The following RAP1GAP2 variants were observed in gnomAD, a reference collection of about 807,000 sequenced individuals.
RAP1GAP2 encodes RAP1 GTPase activating protein 2.
A neutral mutation model predicts 95.0 loss-of-function variants in RAP1GAP2; 27 were observed. The observed-to-expected ratio is 0.28, with a 90% confidence interval of 0.21 to 0.39. RAP1GAP2 has a LOEUF of 0.39. RAP1GAP2 is among the 10% of genes least tolerant of loss of function. The probability of loss-of-function intolerance (pLI) is 1.00; values close to 1 mark genes in which losing one functional copy is unlikely to be tolerated. For synonymous variants in RAP1GAP2, 373 were observed against 380.9 expected (o/e 0.98, Z 0.24); for missense variants, 771 against 970.0 (o/e 0.79, Z 2.72).
chr17:2,914,803 T>C (rs1388627683), intron 3 of RAP1GAP2, among the ~76,000 whole-genome samples: 1 of 144,906 alleles, frequency 6.9e-6, no homozygotes, highest in Non-Finnish European at 1.5e-5. Flanking sequence ...TCTTTTTTTT[T>C]TTTTTTGAGA....
Position 3,004,588 on chromosome 17 carries a change from G to A in RAP1GAP2, c.1201-781G>A, listed in dbSNP as rs1473376357. ...TGTGGGGCCCGTCCCACGCCTGGGC[G>A]ACCCCCATGCAGCGAACCTCGAGGC... On this transcript the variant is annotated intron_variant, in intron 14 of 24. Transcript: ENST00000254695. The surrounding 1 kb of genome is among the most constrained non-coding windows in gnomAD (Gnocchi z 4.1). Among the ~76,000 whole-genome samples the A allele has an allele frequency of 6.6e-6, 1 of 152,270 alleles. No homozygotes were observed. Among genetic ancestry groups the A allele is most frequent in the Non-Finnish European group, 1.5e-5 (1 of 68,050 alleles).
intron 14 of RAP1GAP2, 50 bp downstream of exon 14, chr17:2,998,426 C>T: frequency 6.3e-7 from 1 of 1,587,916 alleles, no homozygotes; most frequent in Non-Finnish European, 8.6e-7. Flanking sequence ...ACACCTCACC[C>T]TGTGTGGATG....
chr17:2,832,657 C>G (rs7211034), intron 2 of RAP1GAP2, among the ~76,000 whole-genome samples: 1 of 151,412 alleles, frequency 6.6e-6, no homozygotes, highest in East Asian at 1.9e-4. Context: ...TTGGTACATA[C>G]TTTTCTAGAT....
chr17:3,030,884 C>T (rs946152325), intron 22 of RAP1GAP2, 38 bp from the exon 23 acceptor site: 1 of 1,559,952 alleles, frequency 6.4e-7, no homozygotes, highest in Non-Finnish European at 8.7e-7. Context: ...GTGGCCTCCA[C>T]AGCTCCACCC....
At chr17:2,863,979 G>A (rs180779741) in intron 2 of RAP1GAP2, among the ~76,000 whole-genome samples, 105 of 152,178 alleles carry the variant, frequency 6.9e-4, no homozygotes, top group Middle Eastern at 3.4e-3. Flanking sequence ...TTGAACCCGG[G>A]AGGCGGAGGT....
At chr17:3,021,252 A>G (rs2046946614) in intron 19 of RAP1GAP2, among the ~76,000 whole-genome samples, 1 of 152,088 alleles carries the variant, frequency 6.6e-6, no homozygotes, top group Non-Finnish European at 1.5e-5. Flanking sequence ...GTATTGTACT[A>G]TTGAACACTA....
chr17:2,869,904 G>A (rs564373983), intron 2 of RAP1GAP2, among the ~76,000 whole-genome samples: 8 of 152,306 alleles, frequency 5.3e-5, no homozygotes, highest in East Asian at 3.9e-4. Context: ...CAGGTGGAAC[G>A]TGGCTCCGGG....
intron 2 of RAP1GAP2, among the ~76,000 whole-genome samples, chr17:2,810,018 C>A (rs1597351431): frequency 1.9e-4 from 6 of 31,758 alleles, no homozygotes; most frequent in African/African-American, 1.4e-3. Context: ...GTGCTGGGAC[C>A]CTCCCCTCCC....
chr17:2,806,431 C>T (rs966147087), intron 2 of RAP1GAP2, among the ~76,000 whole-genome samples: 3 of 135,050 alleles, frequency 2.2e-5, no homozygotes, highest in Non-Finnish European at 3.1e-5. Flanking sequence ...CTCGCTCTGT[C>T]GCCCAGTCTG....
rs751488933 is a variant in RAP1GAP2, at chr17:2,904,602, G to A, written c.81-682G>A. Among the ~76,000 whole-genome samples, 8 of 147,630 alleles carry A rather than the reference G, an allele frequency of 5.4e-5. No individual in the cohort carries two copies. The highest frequency in any genetic ancestry group is 3.6e-3 in the Middle Eastern group (1 of 280). On this transcript the variant is annotated intron_variant, in intron 2 of 24. Coordinates refer to ENST00000254695, the MANE Select transcript of RAP1GAP2 (RefSeq NM_015085.5). This position sits in a 1 kb window ranked among gnomAD's most constrained non-coding sequence, Gnocchi z 4.7. ...GAGGGGCTCAAGGGAGAATGAATCC[G>A]CGTTTCTCCCCTCCTCTTCTCACAC... is the stretch of plus-strand genomic sequence containing the variant.
At chr17:2,765,336 C>G (rs768996452) in intron 1 of RAP1GAP2, among the ~76,000 whole-genome samples, 2 of 152,122 alleles carry the variant, frequency 1.3e-5, no homozygotes, top group Admixed American at 6.6e-5. Context: ...CCCATCTTAC[C>G]TGAGCCGGGA....
chr17:2,819,997 T>C (rs2070211593), intron 2 of RAP1GAP2, among the ~76,000 whole-genome samples: 2 of 152,006 alleles, frequency 1.3e-5, no homozygotes, highest in South Asian at 4.2e-4. Flanking sequence ...CATCTTGCTG[T>C]CTCAAACTTC....
chr17:2,827,004 C>T lies in RAP1GAP2; in HGVS notation c.80+26454C>T, dbSNP rs560439162. On this transcript the variant is annotated intron_variant, in intron 2 of 24. Coordinates refer to ENST00000254695, the MANE Select transcript of RAP1GAP2 (RefSeq NM_015085.5). This position sits in a 1 kb window ranked among gnomAD's most constrained non-coding sequence, Gnocchi z 4.1. ...CTGGTGTCACAGCGAGACTCCGTTT[C>T]GAGAGAGAGAGAGGAGAGAAAGAAA... is the stretch of plus-strand genomic sequence containing the variant. 2.3e-4 allele frequency among the ~76,000 whole-genome samples: 34 copies of T among 150,656 alleles called. No homozygotes were observed. Among genetic ancestry groups the T allele is most frequent in the Middle Eastern group, 3.4e-3 (1 of 294 alleles).
intron 3 of RAP1GAP2, among the ~76,000 whole-genome samples, chr17:2,944,097 C>T (rs1333608288): frequency 1.4e-5 from 2 of 147,610 alleles, no homozygotes; most frequent in African/African-American, 2.5e-5. Context: ...TGCTATGAGC[C>T]GAGATTGCGC....
rs376552791 is a variant in RAP1GAP2 at position 2,902,608 on chromosome 17, T to C, written c.81-2676T>C. On this transcript the variant is annotated intron_variant, in intron 2 of 24. Transcript: ENST00000254695. The surrounding 1 kb of genome is among the most constrained non-coding windows in gnomAD (Gnocchi z 4.1). ...CCTGGACACAGCGCTGGAGCTTGCATGAGGCTGGTCACCACTGGTGCTCAT... is the reference window on the plus strand; with the variant it reads ...CCTGGACACAGCGCTGGAGCTTGCACGAGGCTGGTCACCACTGGTGCTCAT... 7.2e-5 allele frequency among the ~76,000 whole-genome samples: 11 copies of C among 152,316 alleles called. No homozygotes were observed. Among genetic ancestry groups the C allele is most frequent in the East Asian group, 1.9e-4 (1 of 5,180 alleles).
intron 8 of RAP1GAP2, among the ~76,000 whole-genome samples, chr17:2,979,826 A>T (rs1188809675): frequency 2.6e-5 from 4 of 152,070 alleles, no homozygotes; most frequent in African/African-American, 9.7e-5. Flanking sequence ...TTTTCCCACA[A>T]GGCAAGTGTG....
intron 2 of RAP1GAP2, among the ~76,000 whole-genome samples, chr17:2,850,289 T>C (rs1053843440): frequency 1.2e-4 from 18 of 151,184 alleles, no homozygotes; most frequent in African/African-American, 3.2e-4. Context: ...CGTGAGCCAC[T>C]GCGCCTGGCC....
chr17:2,801,989 C>T (rs1334986163), intron 2 of RAP1GAP2, among the ~76,000 whole-genome samples: 1 of 152,180 alleles, frequency 6.6e-6, no homozygotes, highest in Non-Finnish European at 1.5e-5. Context: ...ACTGGCTAAC[C>T]ATCTGCTCCA....
At chr17:2,863,467 G>A (rs1004544679) in intron 2 of RAP1GAP2, among the ~76,000 whole-genome samples, 1 of 152,220 alleles carries the variant, frequency 6.6e-6, no homozygotes, top group Non-Finnish European at 1.5e-5. Context: ...TGTGTCCTGA[G>A]ACAGCTGACC....
Sources: allele counts gnomAD v4.1 joint callset (sites outside exome capture counted in the v4.1 genomes callset), GRCh38; gene constraint gnomAD v4.1.1; non-coding constraint Gnocchi (gnomAD v3.1); transcripts MANE v1.5; gene names NCBI Gene and HGNC (gene_info 2026-07-23, HGNC 2026-07-21).